RBM33: variants seen among roughly 807,000 people sequenced by gnomAD.
The protein encoded by RBM33 is RNA binding motif protein 33, also known as RNA-binding protein 33.
RBM33 carries 28 observed loss-of-function variants against 132.6 expected under a neutral mutation model. The ratio of observed to expected loss-of-function variants is 0.21; its 90% CI spans 0.16 to 0.29. The LOEUF (loss-of-function observed/expected upper bound fraction) is 0.29, where lower values mean the gene tolerates loss of function less well. Ranked by LOEUF, RBM33 falls within the 10% of genes least tolerant of loss-of-function variation. The probability of loss-of-function intolerance (pLI) is 1.00; values close to 1 mark genes in which losing one functional copy is unlikely to be tolerated. For synonymous variants in RBM33, 634 were observed against 593.0 expected (o/e 1.07, Z -1.01); for missense variants, 1,291 against 1,518.5 (o/e 0.85, Z 2.49).
intron 14 of RBM33, among the ~76,000 whole-genome samples, chr7:155,747,562 AT>A (rs777942513): frequency 3.6e-4 from 55 of 152,204 alleles, no homozygotes; most frequent in Admixed American, 6.5e-4. Flanking sequence ...ATCTACATGA[AT>A]TTTTACTCTT....
intron 9 of RBM33, among the ~76,000 whole-genome samples, chr7:155,725,062 T>A (rs1800750095): frequency 1.3e-5 from 2 of 150,996 alleles, no homozygotes. Context: ...TGAACATAAG[T>A]TGTCAGTAAA....
chr7:155,695,218 T>A (rs1010920897), intron 5 of RBM33, among the ~76,000 whole-genome samples: 3 of 152,050 alleles, frequency 2.0e-5, no homozygotes, highest in Non-Finnish European at 2.9e-5. Flanking sequence ...AAAAAGTGGG[T>A]TGTCTTTTTA....
At chr7:155,696,915 T>C (rs1242060676) in intron 5 of RBM33, among the ~76,000 whole-genome samples, 2 of 152,154 alleles carry the variant, frequency 1.3e-5, no homozygotes, top group Non-Finnish European at 2.9e-5. Flanking sequence ...AATCTCAGTT[T>C]GTTTGACGCT....
rs773541678 is a variant in RBM33 at position 155,766,467 on chromosome 7, G to A, written c.3187G>A (p.Ala1063Thr). 5 of 1,613,076 alleles carry A rather than the reference G, an allele frequency of 3.1e-6. No homozygotes were observed. The highest frequency in any genetic ancestry group is 3.4e-6 in the Non-Finnish European group (4 of 1,179,740). The stretch of plus-strand genomic sequence containing the variant: ...AATGTATTTCCTTTGTTGTCACCAG[G>A]CCATCATGCACGGACGAGGCAGAGG... ...SIQGIHPAKK[A>T]IMHGRGRGVA... Residue 1063 changes from alanine to threonine, a missense_variant and splice_region_variant, in exon 16 of 18, where the codon GCC (alanine) becomes ACC (threonine). Ala to Thr is a moderately conservative substitution (Grantham distance 58). Transcript: ENST00000401878.
At chr7:155,720,400 A>G (rs1281027037) in intron 9 of RBM33, among the ~76,000 whole-genome samples, 1 of 152,168 alleles carries the variant, frequency 6.6e-6, no homozygotes, top group African/African-American at 2.4e-5. Context: ...CAGTAGCGGT[A>G]TTGTGTTTTT....
At chr7:155,740,324 C>G (rs1044611287) in intron 12 of RBM33, among the ~76,000 whole-genome samples, 2 of 152,180 alleles carry the variant, frequency 1.3e-5, no homozygotes, top group African/African-American at 4.8e-5. Context: ...TTAATAGACA[C>G]GTAACTTTAG....
At chr7:155,684,835 T>C in intron 5 of RBM33, 1 of 1,356,826 alleles carries the variant, frequency 7.4e-7, no homozygotes, top group Non-Finnish European at 9.9e-7. Flanking sequence ...TAAAACTTTC[T>C]ACAATTATTA....
At chr7:155,748,768 T>C (rs1333758463) in intron 14 of RBM33, among the ~76,000 whole-genome samples, 1 of 152,048 alleles carries the variant, frequency 6.6e-6, no homozygotes, top group African/African-American at 2.4e-5. Flanking sequence ...TTCTTGGTGG[T>C]CCCCTTTGTG....
chr7:155,718,891 C>T (rs1264842997), intron 9 of RBM33, among the ~76,000 whole-genome samples: 1 of 152,034 alleles, frequency 6.6e-6, no homozygotes, highest in African/African-American at 2.4e-5. Context: ...ATGAGCCACT[C>T]ATTTTATATT....
intron 14 of RBM33, among the ~76,000 whole-genome samples, chr7:155,760,816 C>G (rs1049541157): frequency 6.6e-6 from 1 of 152,166 alleles, no homozygotes; most frequent in Non-Finnish European, 1.5e-5. Context: ...CCTACTCACA[C>G]CTTGGGTAGA....
chr7:155,718,416 A>G lies in RBM33; in HGVS notation c.1233A>G (p.Arg411=), dbSNP rs1425272434. The stretch of plus-strand genomic sequence containing the variant: ...TGCTACCAGTTCCGAGCCAGCCGAG[A>G]CCTGCCGTGGGACCCCAGAGATTCC... ...VPLLPVPSQP[R]PAVGPQRFPG... Residue 411 remains arginine, a synonymous_variant, in exon 9 of 18, where the codon AGA becomes AGG. Coordinates refer to ENST00000401878, the MANE Select transcript of RBM33 (RefSeq NM_053043.3). The G allele has an allele frequency of 6.2e-7, 1 of 1,613,898 alleles. No individual in the cohort carries two copies. The highest frequency in any genetic ancestry group is 1.1e-5 in the South Asian group (1 of 91,070).
At chr7:155,736,555 A>G (rs1306216191) in intron 9 of RBM33, among the ~76,000 whole-genome samples, 2 of 152,240 alleles carry the variant, frequency 1.3e-5, no homozygotes, top group African/African-American at 4.8e-5. Flanking sequence ...AAAGAGTTCT[A>G]GTAACATGTA....
Position 155,707,025 on chromosome 7 carries a change from A to C in RBM33, c.905A>C (p.Lys302Thr). Reference protein sequence around the residue: ...RRESTERGRMKDHRPALLPTQ... With the variant: ...RRESTERGRMTDHRPALLPTQ... ...GAGAGCACCGAGAGGGGCAGGATGA[A>C]GGACCACAGACCTGCGCTGCTTCCT... The change falls in exon 7 of 18, where the codon AAG (lysine) becomes ACG (threonine). Residue 302 changes from lysine to threonine, a missense_variant. By Grantham distance (78) the Lys-to-Thr change is moderately conservative (BLOSUM62 -1). Transcript: ENST00000401878. 1 of 1,574,286 alleles carries C rather than the reference A, an allele frequency of 6.4e-7. No homozygotes were observed. Among genetic ancestry groups the C allele is most frequent in the East Asian group, 2.3e-5 (1 of 43,072 alleles).
Position 155,681,723 on chromosome 7 carries a change from T to C in RBM33, c.567+815T>C, listed in dbSNP as rs140563279. ...ACAGAAGTATGCAAAATTGGGGCCT[T>C]AAAGAGCCCATTTGCAATGGGAGTA... is the stretch of plus-strand genomic sequence containing the variant. On this transcript the variant is annotated intron_variant, in intron 5 of 17. Coordinates refer to ENST00000401878, the MANE Select transcript of RBM33 (RefSeq NM_053043.3). 1.2e-4 allele frequency among the ~76,000 whole-genome samples: 18 copies of C among 152,262 alleles called. No homozygotes were observed. In the East Asian group the frequency reaches 3.5e-3, roughly 29 times the overall value.
chr7:155,674,089 A>C (rs1334277655), intron 3 of RBM33, among the ~76,000 whole-genome samples: 1 of 151,512 alleles, frequency 6.6e-6, no homozygotes, highest in Non-Finnish European at 1.5e-5. Context: ...CTTTGGCCTA[A>C]CCCTGCTTTC....
intron 16 of RBM33, among the ~76,000 whole-genome samples, chr7:155,767,422 A>G (rs1802261421): frequency 6.6e-6 from 1 of 152,246 alleles, no homozygotes; most frequent in Non-Finnish European, 1.5e-5. Flanking sequence ...TTTTGGATGC[A>G]CAGAGTACAT....
chr7:155,665,976 A>G (rs1367372323), intron 2 of RBM33, among the ~76,000 whole-genome samples: 1 of 152,260 alleles, frequency 6.6e-6, no homozygotes, highest in Non-Finnish European at 1.5e-5. Flanking sequence ...TGAAAACGGC[A>G]GTGTCACATC....
At chr7:155,658,146 CA>C (rs1798542184) in intron 1 of RBM33, among the ~76,000 whole-genome samples, 1 of 152,120 alleles carries the variant, frequency 6.6e-6, no homozygotes. Context: ...TGTTCTGTTT[CA>C]GTGCATATAT....
At position 155,745,696 on chromosome 7, in the gene RBM33, AG is replaced by A; in HGVS notation, c.2979+95del. ...GAATGTTTTTGAAGAAAGAATTAAA[AG>A]TTACCTCTGTTATAGTCTTGTAACC... On this transcript the variant is annotated intron_variant, in intron 14 of 17. Transcript: ENST00000401878. The surrounding 1 kb of genome is among the most constrained non-coding windows in gnomAD (Gnocchi z 4.1). 1 of 1,244,342 alleles carries A rather than the reference AG, an allele frequency of 8.0e-7. No individual in the cohort carries two copies. The highest frequency in any genetic ancestry group is 1.5e-5 in the African/African-American group (1 of 65,756). 77.1% of individuals were successfully genotyped at this position (1,244,342 alleles called of 1,614,324 possible). A position where few individuals can be genotyped will look rare whatever the true frequency, so the allele number is the denominator to read the frequency against.
Sources: gnomAD v4.1 joint callset for allele counts (sites outside exome capture counted in the v4.1 genomes callset) on GRCh38, gnomAD v4.1.1 for gene constraint, Gnocchi (gnomAD v3.1) non-coding constraint, MANE v1.5 for transcripts, NCBI Gene and HGNC (gene_info 2026-07-23, HGNC 2026-07-21) for gene names.